The following PRH1 variants were observed in gnomAD, a reference collection of about 807,000 sequenced individuals.
PRH1 encodes the protein proline rich protein HaeIII subfamily 1.
Under a neutral mutation model 7.9 loss-of-function variants are expected in PRH1, and 7 were observed. The ratio of observed to expected loss-of-function variants is 0.89; its 90% CI spans 0.50 to 1.67. The LOEUF is 1.67. Ranked by LOEUF, PRH1 falls within the 40% of genes most tolerant of loss-of-function variation. The pLI is 0.00. For synonymous variants in PRH1, 45 were observed against 80.8 expected, an observed-to-expected ratio of 0.56 and a Z score of 2.38; for missense variants, 109 against 223.6, an observed-to-expected ratio of 0.49 and a Z score of 3.27.
upstream of PRH1, among the ~76,000 whole-genome samples, chr12:10,885,866 A>G (rs1174810428): frequency 6.6e-6 from 1 of 152,222 alleles, no homozygotes; most frequent in Non-Finnish European, 1.5e-5. Flanking sequence ...GCATGAGTGG[A>G]TCCTGTGCTG....
chr12:10,946,859 A>G (rs1232875676), intron 2 of PRH1, among the ~76,000 whole-genome samples: 1 of 152,202 alleles, frequency 6.6e-6, no homozygotes, highest in African/African-American at 2.4e-5. Context: ...TTATTTTTAT[A>G]GAACTTCTTG....
chr12:11,165,699 A>C (rs1386687542), intron 1 of PRH1, among the ~76,000 whole-genome samples: 1 of 151,922 alleles, frequency 6.6e-6, no homozygotes, highest in African/African-American at 2.4e-5. Flanking sequence ...CTGCCTTCTT[A>C]TTCTGTCAGA....
chr12:11,133,480 C>T (rs1946436503), intron 1 of PRH1: 1 of 1,614,074 alleles, frequency 6.2e-7, no homozygotes, highest in East Asian at 2.2e-5. Flanking sequence ...GTTGCTTTTC[C>T]AGCCTCCCAA....
intron 2 of PRH1, among the ~76,000 whole-genome samples, chr12:10,911,613 A>G (rs932745844): frequency 3.3e-5 from 5 of 152,204 alleles, no homozygotes; most frequent in Non-Finnish European, 5.9e-5. Flanking sequence ...ATTTGCAGCT[A>G]TGTTTTTAAG....
At chr12:11,004,645 T>C (rs1195548198) in intron 1 of PRH1, among the ~76,000 whole-genome samples, 1 of 152,166 alleles carries the variant, frequency 6.6e-6, no homozygotes, top group African/African-American at 2.4e-5. Context: ...ATTAATTATA[T>C]ATTTCATACA....
At chr12:10,961,883 T>A (rs1047300609) in intron 2 of PRH1, among the ~76,000 whole-genome samples, 10 of 152,212 alleles carry the variant, frequency 6.6e-5, no homozygotes, top group African/African-American at 2.2e-4. Context: ...TCCAAGTGCA[T>A]GCATCTGATG....
chr12:10,947,392 CT>C (rs201685378), intron 2 of PRH1, among the ~76,000 whole-genome samples: 2 of 151,892 alleles, frequency 1.3e-5, no homozygotes, highest in African/African-American at 2.4e-5. Context: ...CCTTGCTTGT[CT>C]TTTTTTTAAA....
intron 1 of PRH1, among the ~76,000 whole-genome samples, chr12:11,018,137 G>A (rs1286067796): frequency 2.0e-5 from 3 of 151,950 alleles, no homozygotes; most frequent in Middle Eastern, 3.4e-3. Flanking sequence ...ATGCAACGTG[G>A]GCATCATAGG....
chr12:10,924,280 C>T (rs192453747), intron 2 of PRH1, among the ~76,000 whole-genome samples: 120 of 152,302 alleles, frequency 7.9e-4, no homozygotes, highest in African/African-American at 2.7e-3. Flanking sequence ...AGACACGGAG[C>T]CCAGCCTCAT....
intron 2 of PRH1, among the ~76,000 whole-genome samples, chr12:10,958,438 G>T (rs768394553): frequency 1.3e-5 from 2 of 152,018 alleles, no homozygotes; most frequent in Non-Finnish European, 2.9e-5. Context: ...AGATAAAAGA[G>T]ATACCTATCA....
chr12:10,909,327 T>C (rs756530072), intron 2 of PRH1: 1 of 1,498,862 alleles, frequency 6.7e-7, no homozygotes, highest in Non-Finnish European at 9.2e-7. Flanking sequence ...CAATGTCTAA[T>C]GTCACTGCTG....
At chr12:11,048,471 C>A, upstream of PRH1, 1 of 396,110 alleles carries the variant, frequency 2.5e-6, no homozygotes, top group South Asian at 4.6e-5. Flanking sequence ...TTTGGTAAAG[C>A]AGGAATACAA....
At chr12:10,898,623 C>T (rs1949682065) in intron 2 of PRH1, among the ~76,000 whole-genome samples, 2 of 151,890 alleles carry the variant, frequency 1.3e-5, no homozygotes, top group Admixed American at 1.3e-4. Context: ...AAATATATAT[C>T]ATACAGATAT....
downstream of PRH1, among the ~76,000 whole-genome samples, chr12:11,118,003 C>A (rs540445499): frequency 2.0e-5 from 3 of 152,162 alleles, 1 homozygote; most frequent in Admixed American, 2.0e-4. Flanking sequence ...TTGGTTTGAG[C>A]AAAAATTTCT....
intron 1 of PRH1, among the ~76,000 whole-genome samples, chr12:11,067,378 T>C (rs1943870052): frequency 6.6e-6 from 1 of 152,182 alleles, no homozygotes; most frequent in Non-Finnish European, 1.5e-5. Flanking sequence ...CATCATACTA[T>C]AATTTATTGG....
At chr12:10,977,672 C>T (rs922415074) in intron 1 of PRH1, among the ~76,000 whole-genome samples, 2 of 152,056 alleles carry the variant, frequency 1.3e-5, no homozygotes, top group Non-Finnish European at 1.5e-5. Context: ...CAGTATTTGC[C>T]CAAAATCTCC....
chr12:11,118,243 C>A (rs912418205), downstream of PRH1, among the ~76,000 whole-genome samples: 1 of 151,924 alleles, frequency 6.6e-6, no homozygotes, highest in African/African-American at 2.4e-5. Context: ...ACAATCTGAT[C>A]AAAAAAATGG....
At chr12:10,939,129 T>A in intron 2 of PRH1, 1 of 1,602,600 alleles carries the variant, frequency 6.2e-7, no homozygotes, top group Non-Finnish European at 8.5e-7. Context: ...ACCAGTGCTA[T>A]GAAACTATTT....
chr12:10,917,650 T>G (rs1490206499), intron 2 of PRH1, among the ~76,000 whole-genome samples: 3 of 152,198 alleles, frequency 2.0e-5, no homozygotes, highest in Non-Finnish European at 2.9e-5. Flanking sequence ...CACTTGTTGC[T>G]TCACCCTAAA....
Sources: allele counts gnomAD v4.1 joint callset (sites outside exome capture counted in the v4.1 genomes callset), GRCh38; gene constraint gnomAD v4.1.1; transcripts MANE v1.5; gene names NCBI Gene and HGNC (gene_info 2026-07-23, HGNC 2026-07-21).